The following RERE variants were observed in gnomAD, a reference collection of about 807,000 sequenced individuals.
The protein encoded by RERE is arginine-glutamic acid dipeptide repeats protein.
Under a neutral mutation model 146.1 loss-of-function variants are expected in RERE, and 40 were observed. That is an observed-to-expected ratio of 0.27 (90% confidence interval 0.21 to 0.36). The LOEUF is 0.36. Ranked by LOEUF, RERE falls within the 10% of genes least tolerant of loss-of-function variation. The pLI is 1.00. For missense variants in RERE, 1,933 were observed against 2,138.7 expected (o/e 0.90, Z 1.90); for synonymous variants, 1,003 against 866.0 (o/e 1.16, Z -2.78).
intron 11 of RERE, among the ~76,000 whole-genome samples, chr1:8,460,108 G>A (rs1356062831): frequency 6.6e-6 from 1 of 152,130 alleles, no homozygotes. Context: ...GATCTTAACG[G>A]GGATTTTGCT....
At position 8,782,850 on chromosome 1, in the gene RERE, G is replaced by A. The variant is rs566330223; in HGVS notation, c.-145+34310C>T. On this transcript the variant is annotated intron_variant, in intron 1 of 22. Transcript: ENST00000400908. ...GAACCCGGGAGGTGGAGGGTGAAGTGAGCCAAGACTGCGCCACTACACTCC... is the reference window on the plus strand; with the variant it reads ...GAACCCGGGAGGTGGAGGGTGAAGTAAGCCAAGACTGCGCCACTACACTCC... 2.0e-5 allele frequency among the ~76,000 whole-genome samples: 3 copies of A among 152,268 alleles called. No individual in the cohort carries two copies. The East Asian group carries it at 5.8e-4, about 29-fold the overall frequency.
At chr1:8,406,884 C>T (rs1279782129) in intron 12 of RERE, among the ~76,000 whole-genome samples, 1 of 152,170 alleles carries the variant, frequency 6.6e-6, no homozygotes, top group East Asian at 1.9e-4. Context: ...AGAGCTCATA[C>T]AACTTTGTGG....
chr1:8,468,854 C>A (rs1644641021), intron 10 of RERE, among the ~76,000 whole-genome samples: 1 of 151,862 alleles, frequency 6.6e-6, no homozygotes, highest in South Asian at 2.1e-4. Flanking sequence ...CTTGATCACA[C>A]CACTGCACTA....
intron 2 of RERE, among the ~76,000 whole-genome samples, chr1:8,650,301 C>T (rs945254766): frequency 2.0e-5 from 3 of 152,166 alleles, no homozygotes; most frequent in African/African-American, 4.8e-5. Context: ...GAAAGCCTAC[C>T]TTTATCCTCA....
In RERE at chr1:8,355,129, A is replaced by G. The variant is rs748700080; in HGVS notation, c.4668-9T>C. The G allele has an allele frequency of 1.2e-6, 2 of 1,613,920 alleles. No homozygotes were observed. The highest frequency in any genetic ancestry group is 1.6e-4 in the Middle Eastern group (1 of 6,062). The stretch of plus-strand genomic sequence containing the variant: ...CTTCTTTCTTCAGTCGACTGGAAAG[A>G]CAAAACAGGAAAGCGTATTTAGTCT... On this transcript the variant is annotated splice_polypyrimidine_tract_variant and intron_variant, in intron 22 of 22. Transcript: ENST00000400908.
chr1:8,731,907 A>G (rs1250748940), intron 1 of RERE, among the ~76,000 whole-genome samples: 3 of 152,110 alleles, frequency 2.0e-5, no homozygotes, highest in African/African-American at 4.8e-5. Context: ...GTTTCATGCC[A>G]TTCTCCTGCC....
At chr1:8,588,982 G>T (rs1056754444) in intron 4 of RERE, among the ~76,000 whole-genome samples, 1 of 151,680 alleles carries the variant, frequency 6.6e-6, no homozygotes, top group East Asian at 1.9e-4. Flanking sequence ...ACATCAGCTG[G>T]GTGTGGTGGC....
intron 7 of RERE, among the ~76,000 whole-genome samples, chr1:8,526,265 G>C (rs979468837): frequency 6.6e-6 from 1 of 150,626 alleles, no homozygotes; most frequent in East Asian, 2.0e-4. Context: ...AATGCTCTCT[G>C]CTCTGTCAGC....
At chr1:8,715,025 T>C (rs975365394) in intron 1 of RERE, among the ~76,000 whole-genome samples, 5 of 151,534 alleles carry the variant, frequency 3.3e-5, no homozygotes, top group South Asian at 2.1e-4. Flanking sequence ...AGGCGTGCGC[T>C]ACCACGCCTG....
At chr1:8,768,571 A>T in intron 1 of RERE, among the ~76,000 whole-genome samples, 1 of 152,220 alleles carries the variant, frequency 6.6e-6, no homozygotes, top group East Asian at 1.9e-4. Flanking sequence ...ACTTAACTTT[A>T]AATTTTATTT....
At chr1:8,548,301 T>TTA (rs1645891803) in intron 6 of RERE, among the ~76,000 whole-genome samples, 1 of 152,178 alleles carries the variant, frequency 6.6e-6, no homozygotes, top group African/African-American at 2.4e-5. Context: ...GAGTATCTTC[T>TTA]TATAACCCTG....
intron 11 of RERE, among the ~76,000 whole-genome samples, chr1:8,448,632 G>GA (rs1314725949): frequency 6.6e-6 from 1 of 152,014 alleles, no homozygotes; most frequent in Admixed American, 6.6e-5. Context: ...TGGCTAATAG[G>GA]AAACGTCATT....
chr1:8,361,122 A>G lies in RERE; in HGVS notation c.2385T>C (p.Val795=). The G allele has an allele frequency of 6.9e-7, 1 of 1,442,900 alleles. No homozygotes were observed. The highest frequency in any genetic ancestry group is 9.1e-7 in the Non-Finnish European group (1 of 1,102,774). 89.4% of individuals were successfully genotyped at this position (1,442,900 alleles called of 1,614,324 possible). ...PNQPQAPTAP[V]PHTHIQQAPA... is the part of the protein sequence containing the mutation. ...GTGCCTGTTGGATGTGGGTGTGGGG[A>G]ACAGGCGCTGTGGGAGCCTGTGGCT... The change falls in exon 18 of 23, where the codon GTT becomes GTC. Residue 795 remains valine, a synonymous_variant. Coordinates refer to ENST00000400908, the MANE Select transcript of RERE (RefSeq NM_001042681.2).
At chr1:8,577,812 G>C (rs1646314894) in intron 4 of RERE, among the ~76,000 whole-genome samples, 1 of 152,142 alleles carries the variant, frequency 6.6e-6, no homozygotes, top group Non-Finnish European at 1.5e-5. Flanking sequence ...AGGGAAAGAG[G>C]AGCCGGGTGC....
intron 10 of RERE, among the ~76,000 whole-genome samples, chr1:8,491,816 TACTC>T (rs1335244512): frequency 2.0e-5 from 3 of 152,242 alleles, no homozygotes; most frequent in Admixed American, 6.5e-5. Flanking sequence ...ATACACTAAT[TACTC>T]ACAGGTTTCT....
chr1:8,735,751 A>G (rs1640182826), intron 1 of RERE, among the ~76,000 whole-genome samples: 1 of 152,120 alleles, frequency 6.6e-6, no homozygotes, highest in Admixed American at 6.5e-5. Flanking sequence ...TAAATTGTAT[A>G]GCACCTTCCG....
In RERE at chr1:8,614,550, A is replaced by C. The variant is rs1344275480; in HGVS notation, c.522+11T>G. 1 of 1,605,080 alleles carries C rather than the reference A, an allele frequency of 6.2e-7. No individual in the cohort carries two copies. The highest frequency in any genetic ancestry group is 8.5e-7 in the Non-Finnish European group (1 of 1,176,676). ...AATACTGATAGCTTTTAAAAACGGG[A>C]TTCTCCTTACCCCTACAGGCCCTCT... On this transcript the variant is annotated intron_variant, in intron 4 of 22. Transcript: ENST00000400908.
chr1:8,676,098 T>C (rs1318806299), intron 1 of RERE, among the ~76,000 whole-genome samples: 1 of 152,202 alleles, frequency 6.6e-6, no homozygotes, highest in Non-Finnish European at 1.5e-5. Flanking sequence ...AAGTTAGTAA[T>C]CAACAAAATT....
chr1:8,581,008 C>T (rs772001631), intron 4 of RERE, among the ~76,000 whole-genome samples: 1 of 152,062 alleles, frequency 6.6e-6, no homozygotes, highest in Non-Finnish European at 1.5e-5. Context: ...TGCTACTACT[C>T]TGATTTCCAT....
Sources: allele counts gnomAD v4.1 joint callset (sites outside exome capture counted in the v4.1 genomes callset), GRCh38; gene constraint gnomAD v4.1.1; transcripts MANE v1.5; gene names NCBI Gene and HGNC (gene_info 2026-07-23, HGNC 2026-07-21).